The following PRKCI variants were observed in gnomAD, a reference collection of about 807,000 sequenced individuals.
PRKCI encodes protein kinase C iota type.
A neutral mutation model predicts 84.0 loss-of-function variants in PRKCI; 43 were observed. The ratio of observed to expected loss-of-function variants is 0.51; its 90% confidence interval spans 0.40 to 0.66. PRKCI has a LOEUF of 0.66. PRKCI is among the 30% of genes least tolerant of loss of function. PRKCI has a pLI of 0.00. For missense variants in PRKCI, 459 were observed against 745.6 expected, an observed-to-expected ratio of 0.62 and a Z score of 4.48; for synonymous variants, 216 against 234.4, an observed-to-expected ratio of 0.92 and a Z score of 0.72.
rs896509285 is a variant in PRKCI at position 170,305,893 on chromosome 3, CT to C, written c.*2767del. 9 of 147,452 alleles carry C rather than the reference CT, an allele frequency of 6.1e-5. No individual in the cohort carries two copies. The highest frequency in any genetic ancestry group is 2.0e-4 in the African/African-American group (8 of 40,336). The allele number at this position is 147,452 out of a possible 1,614,324, so 9.1% of individuals were successfully genotyped here. On this transcript the variant is annotated 3_prime_UTR_variant, in exon 18 of 18. Transcript: ENST00000295797. ...TTTATTTTTGTCATGTAGAATACTA[CT>C]GTGGTCATCATAATGTAATCTATTT...
At chr3:170,234,118 G>A (rs1409189739) in intron 1 of PRKCI, among the ~76,000 whole-genome samples, 2 of 137,552 alleles carry the variant, frequency 1.5e-5, no homozygotes, top group African/African-American at 2.8e-5. Flanking sequence ...TGCAATCTCC[G>A]CCTCCCGGGT....
intron 2 of PRKCI, among the ~76,000 whole-genome samples, chr3:170,239,845 C>G (rs1249518492): frequency 6.6e-6 from 1 of 150,790 alleles, no homozygotes; most frequent in Admixed American, 6.6e-5. Context: ...CTAAATAATA[C>G]TATGCTCAAA....
chr3:170,228,616 TACACACACACACAC>T (rs36006947), intron 1 of PRKCI, among the ~76,000 whole-genome samples: 1 of 147,286 alleles, frequency 6.8e-6, no homozygotes, highest in Non-Finnish European at 1.5e-5. Flanking sequence ...TATATATATA[TACACACACACACAC>T]ACACACACAC....
At chr3:170,229,514 C>T (rs1732732125) in intron 1 of PRKCI, among the ~76,000 whole-genome samples, 1 of 152,182 alleles carries the variant, frequency 6.6e-6, no homozygotes, top group South Asian at 2.1e-4. Flanking sequence ...CGGGGCTGGT[C>T]TCAAGCTCCT....
intron 16 of PRKCI, 31 bp downstream of exon 16, chr3:170,297,424 G>C: frequency 6.5e-7 from 1 of 1,544,288 alleles, no homozygotes; most frequent in Non-Finnish European, 8.9e-7. Flanking sequence ...CAACTATTAG[G>C]TTTCATTATT....
At chr3:170,280,479 C>T (rs944970724) in intron 9 of PRKCI, 76 bp downstream of exon 9, 116 of 1,347,596 alleles carry the variant, frequency 8.6e-5, no homozygotes, top group Non-Finnish European at 1.0e-4. Context: ...CGGAGTTTCG[C>T]TCTTGTCACC....
chr3:170,232,028 GA>G (rs1732806779), intron 1 of PRKCI, among the ~76,000 whole-genome samples: 1 of 151,268 alleles, frequency 6.6e-6, no homozygotes, highest in African/African-American at 2.4e-5. Context: ...TGGAACAAAA[GA>G]AAAAGAACCA....
intron 2 of PRKCI, among the ~76,000 whole-genome samples, chr3:170,244,146 G>A (rs1733210362): frequency 6.6e-6 from 1 of 152,166 alleles, no homozygotes; most frequent in African/African-American, 2.4e-5. Context: ...AGCATCTTTT[G>A]TTATTTATGA....
intron 1 of PRKCI, among the ~76,000 whole-genome samples, chr3:170,229,680 G>GA (rs1732735981): frequency 2.0e-5 from 3 of 152,150 alleles, no homozygotes; most frequent in Non-Finnish European, 4.4e-5. Flanking sequence ...AATGTTGAAG[G>GA]AACCTCCTTA....
At chr3:170,251,938 G>T (rs1360485895) in intron 2 of PRKCI, among the ~76,000 whole-genome samples, 1 of 150,330 alleles carries the variant, frequency 6.7e-6, no homozygotes, top group Non-Finnish European at 1.5e-5. Context: ...AAGATTGGCC[G>T]GGTGCGGTGG....
chr3:170,287,926 A>G (rs182302284), intron 12 of PRKCI, among the ~76,000 whole-genome samples: 4,036 of 150,694 alleles, frequency 0.027, 96 homozygotes, highest in Non-Finnish European at 0.038. Flanking sequence ...AAAAAAAAAA[A>G]AAAAGAAAAT....
Position 170,222,883 on chromosome 3 carries a change from G to T in PRKCI, c.101+113G>T. ...GTTGTGGGCGGATTGGGCTGGGCGG[G>T]CGGGCGGCTCCGGTGACTCAGGGTG... On this transcript the variant is annotated intron_variant, in intron 1 of 17. Coordinates refer to ENST00000295797, the MANE Select transcript of PRKCI (RefSeq NM_002740.6). 1.1e-5 allele frequency: 3 copies of T among 280,306 alleles called. 1 individual carries two copies. The highest frequency in any genetic ancestry group is 8.4e-5 in the Admixed American group (2 of 23,942). 17.4% of individuals were successfully genotyped at this position (280,306 alleles called of 1,614,324 possible). A position where few individuals can be genotyped will look rare whatever the true frequency, so the allele number is the denominator to read the frequency against.
intron 17 of PRKCI, 84 bp from the exon 18 acceptor site, chr3:170,302,956 A>G: frequency 1.1e-6 from 1 of 930,636 alleles, no homozygotes; most frequent in South Asian, 1.8e-5. Flanking sequence ...TAGCCTAATT[A>G]CTTGATTTTT....
chr3:170,232,128 G>A (rs561261479), intron 1 of PRKCI, among the ~76,000 whole-genome samples: 232 of 151,788 alleles, frequency 1.5e-3, no homozygotes, highest in African/African-American at 5.3e-3. Flanking sequence ...ACAGCTCACT[G>A]CAGCCTTAAC....
chr3:170,250,062 G>A (rs1182487454), intron 2 of PRKCI, among the ~76,000 whole-genome samples: 1 of 151,952 alleles, frequency 6.6e-6, no homozygotes, highest in African/African-American at 2.4e-5. Context: ...GATCACCTGA[G>A]GTCAGCAGTT....
At chr3:170,259,627 G>C (rs1170646191) in intron 2 of PRKCI, among the ~76,000 whole-genome samples, 2 of 152,096 alleles carry the variant, frequency 1.3e-5, no homozygotes, top group Non-Finnish European at 2.9e-5. Context: ...TGGACAACAT[G>C]GTGAAACCCT....
chr3:170,236,659 T>G (rs1732983374), intron 2 of PRKCI, among the ~76,000 whole-genome samples: 1 of 151,858 alleles, frequency 6.6e-6, no homozygotes, highest in Non-Finnish European at 1.5e-5. Flanking sequence ...GCCAGGAGTT[T>G]GAGAACAGCC....
At chr3:170,274,910 G>A (rs1734077557) in intron 7 of PRKCI, among the ~76,000 whole-genome samples, 1 of 152,128 alleles carries the variant, frequency 6.6e-6, no homozygotes, top group African/African-American at 2.4e-5. Context: ...TGTTTAGAAG[G>A]AAGTGTTTGA....
At chr3:170,242,203 A>C (rs1733150613) in intron 2 of PRKCI, among the ~76,000 whole-genome samples, 1 of 151,986 alleles carries the variant, frequency 6.6e-6, no homozygotes, top group South Asian at 2.1e-4. Flanking sequence ...AATTCAACCA[A>C]CTCTTTGGCT....
Sources: gnomAD v4.1 joint callset for allele counts (sites outside exome capture counted in the v4.1 genomes callset) on GRCh38, gnomAD v4.1.1 for gene constraint, MANE v1.5 for transcripts, NCBI Gene and HGNC (gene_info 2026-07-23, HGNC 2026-07-21) for gene names.